Variants in TPRG1 observed in about 807,000 individuals in gnomAD.
The protein encoded by TPRG1 is tumor protein p63-regulated gene 1 protein.
TPRG1 carries 29 observed loss-of-function variants against 29.3 expected under a neutral mutation model. The ratio of observed to expected loss-of-function variants is 0.99; its 90% CI spans 0.74 to 1.35. TPRG1 has a LOEUF of 1.35. Among genes scored for constraint, TPRG1 ranks in the 40% most tolerant of loss-of-function variants. The pLI is 0.00. For synonymous variants in TPRG1, 130 were observed against 116.8 expected, an observed-to-expected ratio of 1.11 and a Z score of -0.73; for missense variants, 327 against 335.0, an observed-to-expected ratio of 0.98 and a Z score of 0.19.
intron 4 of TPRG1, among the ~76,000 whole-genome samples, chr3:189,247,208 G>A (rs1741497354): frequency 6.6e-6 from 1 of 151,654 alleles, no homozygotes; most frequent in Non-Finnish European, 1.5e-5. Context: ...CTATCTTTAT[G>A]TTCACTGAAA....
intron 4 of TPRG1, among the ~76,000 whole-genome samples, chr3:189,256,271 C>G (rs1179073943): frequency 3.3e-5 from 5 of 152,150 alleles, no homozygotes; most frequent in African/African-American, 1.2e-4. Flanking sequence ...TCATTATTTA[C>G]CCAGTAGTCA....
intron 4 of TPRG1, among the ~76,000 whole-genome samples, chr3:189,258,629 T>C (rs1043799049): frequency 3.3e-5 from 5 of 152,136 alleles, no homozygotes; most frequent in Non-Finnish European, 5.9e-5. Flanking sequence ...AGGTGCTCTG[T>C]CCCAGGCAGA....
chr3:189,021,518 TG>T (rs1231763959), intron 3 of TPRG1, among the ~76,000 whole-genome samples: 2 of 152,226 alleles, frequency 1.3e-5, no homozygotes, highest in African/African-American at 2.4e-5. Context: ...TATGAAATTC[TG>T]GGTTGAAAAT....
At position 189,175,882 on chromosome 3, in the gene TPRG1, G is replaced by C. The variant is rs76761824; in HGVS notation, c.-10+3751G>C. Among the ~76,000 whole-genome samples the C allele has an allele frequency of 1.5e-3, 229 of 152,318 alleles. 4 individuals are homozygous for C. In the East Asian group the frequency reaches 0.04, roughly 26 times the overall value. On this transcript the variant is annotated intron_variant, in intron 1 of 5. Coordinates refer to ENST00000345063, the MANE Select transcript of TPRG1 (RefSeq NM_198485.4). ...GATGCACAAGTTGAGTTCTTAACTTGTGTGATGTGGGAAGATTTTTTATTA... is the reference window on the plus strand; with the variant it reads ...GATGCACAAGTTGAGTTCTTAACTTCTGTGATGTGGGAAGATTTTTTATTA...
chr3:189,265,826 G>C (rs1344484761), intron 4 of TPRG1, among the ~76,000 whole-genome samples: 1 of 152,170 alleles, frequency 6.6e-6, no homozygotes, highest in Non-Finnish European at 1.5e-5. Context: ...AAGGAATGTG[G>C]CTTTCTAGTG....
At chr3:189,278,775 G>C (rs1377941743) in intron 4 of TPRG1, among the ~76,000 whole-genome samples, 1 of 152,164 alleles carries the variant, frequency 6.6e-6, no homozygotes, top group Non-Finnish European at 1.5e-5. Context: ...CCACTTGACA[G>C]CCATGTCCTG....
intron 1 of TPRG1, among the ~76,000 whole-genome samples, chr3:189,116,302 G>A (rs1721160602): frequency 6.6e-6 from 1 of 151,890 alleles, no homozygotes; most frequent in Admixed American, 6.6e-5. Flanking sequence ...TCAGCCTCCT[G>A]AGTAGCTGGG....
exon 5 of TPRG1, chr3:189,150,862 G>C (rs1327466127): frequency 1.3e-5 from 2 of 152,186 alleles, no homozygotes; most frequent in African/African-American, 4.8e-5. Flanking sequence ...GATGTTAATG[G>C]ATAAAGCCAG....
At chr3:189,247,525 G>T (rs1355286825) in intron 4 of TPRG1, among the ~76,000 whole-genome samples, 1 of 151,780 alleles carries the variant, frequency 6.6e-6, no homozygotes, top group Non-Finnish European at 1.5e-5. Flanking sequence ...AAAATACTAT[G>T]GGATTTATTC....
At chr3:189,004,005 G>A (rs929469606) in intron 2 of TPRG1, among the ~76,000 whole-genome samples, 1 of 152,050 alleles carries the variant, frequency 6.6e-6, no homozygotes, top group Non-Finnish European at 1.5e-5. Flanking sequence ...TTTTGTCCGA[G>A]TAAAACTCGG....
intron 4 of TPRG1, among the ~76,000 whole-genome samples, chr3:189,060,978 G>A (rs1440648150): frequency 6.6e-6 from 1 of 152,054 alleles, no homozygotes; most frequent in Non-Finnish European, 1.5e-5. Context: ...AAAAGAGCCT[G>A]AATAGCAAAG....
intron 5 of TPRG1, among the ~76,000 whole-genome samples, chr3:189,154,507 T>A (rs546760332): frequency 6.6e-6 from 1 of 151,542 alleles, no homozygotes; most frequent in African/African-American, 2.4e-5. Flanking sequence ...AATGGTGCGA[T>A]CTCGGCTCAC....
chr3:189,208,083 G>A (rs719406), intron 2 of TPRG1, among the ~76,000 whole-genome samples: 1 of 152,026 alleles, frequency 6.6e-6, no homozygotes, highest in Non-Finnish European at 1.5e-5. Context: ...AACCTACAGC[G>A]ACCAGCTGGA....
intron 1 of TPRG1, among the ~76,000 whole-genome samples, chr3:188,998,525 G>C (rs1453738456): frequency 1.3e-5 from 2 of 152,208 alleles, no homozygotes; most frequent in African/African-American, 4.8e-5. Flanking sequence ...ACACTAGATG[G>C]TTTTGAAAAG....
intron 2 of TPRG1, among the ~76,000 whole-genome samples, chr3:189,211,081 G>T (rs570107185): frequency 1.3e-5 from 2 of 152,110 alleles, no homozygotes; most frequent in South Asian, 2.1e-4. Flanking sequence ...ATATATTTAG[G>T]TGCATATTCT....
intron 1 of TPRG1, among the ~76,000 whole-genome samples, chr3:189,194,305 C>T (rs1159542767): frequency 6.6e-6 from 1 of 152,114 alleles, no homozygotes; most frequent in Non-Finnish European, 1.5e-5. Context: ...CCTTACTTTT[C>T]CTACAGTGGA....
At chr3:189,212,868 G>C (rs1253587907) in intron 2 of TPRG1, among the ~76,000 whole-genome samples, 1 of 152,144 alleles carries the variant, frequency 6.6e-6, no homozygotes, top group Non-Finnish European at 1.5e-5. Flanking sequence ...CTGGCCCCAG[G>C]CTAGTCTAGC....
chr3:189,116,219 C>T (rs1721149004), intron 1 of TPRG1, among the ~76,000 whole-genome samples: 2 of 152,036 alleles, frequency 1.3e-5, no homozygotes, highest in African/African-American at 4.8e-5. Flanking sequence ...ACTCTGTCAC[C>T]CAGGCTGGTG....
At chr3:189,017,386 C>G (rs934218033) in intron 3 of TPRG1, among the ~76,000 whole-genome samples, 2 of 152,062 alleles carry the variant, frequency 1.3e-5, no homozygotes, top group South Asian at 2.1e-4. Flanking sequence ...CTGCTCCCCC[C>G]ACCTCACAAC....
Sources: gnomAD v4.1 joint callset for allele counts (sites outside exome capture counted in the v4.1 genomes callset) on GRCh38, gnomAD v4.1.1 for gene constraint, MANE v1.5 for transcripts, NCBI Gene and HGNC (gene_info 2026-07-23, HGNC 2026-07-21) for gene names.